ANKFN1: variants seen among roughly 807,000 people sequenced by gnomAD.
ANKFN1 encodes the protein ankyrin repeat and fibronectin type III domain containing 1, also known as ankyrin repeat and fibronectin type-III domain-containing protein 1.
A neutral mutation model predicts 108.7 loss-of-function variants in ANKFN1; 74 were observed. That is an observed-to-expected ratio of 0.68 (90% CI 0.56 to 0.83). The LOEUF is 0.83. Among genes scored for constraint, ANKFN1 ranks in the 40% least tolerant of loss-of-function variants. The probability of loss-of-function intolerance (pLI) is 0.00; values close to 1 mark genes in which losing one functional copy is unlikely to be tolerated. For missense variants in ANKFN1, 1,505 were observed against 1,382.3 expected, an observed-to-expected ratio of 1.09 and a Z score of -1.41; for synonymous variants, 547 against 516.2, an observed-to-expected ratio of 1.06 and a Z score of -0.81.
chr17:56,354,411 CTTCATTCATTCA>C (rs149400397), intron 6 of ANKFN1, among the ~76,000 whole-genome samples: 1 of 151,944 alleles, frequency 6.6e-6, no homozygotes, highest in African/African-American at 2.4e-5. Flanking sequence ...AATGCGGTGG[CTTCATTCATTCA>C]TTCATTCATT....
intron 1 of ANKFN1, among the ~76,000 whole-genome samples, chr17:56,164,969 C>T (rs948014575): frequency 2.6e-5 from 4 of 152,198 alleles, no homozygotes; most frequent in South Asian, 4.1e-4. Flanking sequence ...GGCATCAAAC[C>T]TGGTCCCCAT....
chr17:56,315,911 A>G (rs1370306346), intron 3 of ANKFN1, among the ~76,000 whole-genome samples: 8 of 152,170 alleles, frequency 5.3e-5, no homozygotes, highest in Non-Finnish European at 1.2e-4. Context: ...AAAAAGATGA[A>G]TCAGTCAAGG....
chr17:56,188,563 ATG>A (rs1238184436), intron 1 of ANKFN1, among the ~76,000 whole-genome samples: 73 of 89,820 alleles, frequency 8.1e-4, no homozygotes, highest in African/African-American at 2.4e-3. Flanking sequence ...GTGTGTGTGT[ATG>A]TGTGTGTGTG....
chr17:56,231,967 G>A (rs1406995296), intron 3 of ANKFN1, among the ~76,000 whole-genome samples: 3 of 152,008 alleles, frequency 2.0e-5, no homozygotes, highest in Admixed American at 6.6e-5. Context: ...AGCCTAATCC[G>A]TTTTTTAATA....
intron 3 of ANKFN1, among the ~76,000 whole-genome samples, chr17:56,282,142 A>G (rs141359332): frequency 4.7e-4 from 72 of 152,350 alleles, no homozygotes; most frequent in Non-Finnish European, 9.6e-4. Context: ...ACTCAGTAAT[A>G]TAAAGCAATA....
intron 4 of ANKFN1, among the ~76,000 whole-genome samples, chr17:56,098,446 GCA>G (rs1350225923): frequency 5.3e-5 from 8 of 150,434 alleles, no homozygotes; most frequent in Admixed American, 1.3e-4. Flanking sequence ...ACACGCGCGC[GCA>G]CATACTCTAT....
chr17:56,236,080 T>C (rs535368770), intron 3 of ANKFN1, among the ~76,000 whole-genome samples: 54 of 151,974 alleles, frequency 3.6e-4, no homozygotes, highest in African/African-American at 1.2e-3. Flanking sequence ...TTTTTTGAGA[T>C]GGAGTCTCAC....
At chr17:56,228,233 A>G (rs1052188603) in intron 3 of ANKFN1, 3 of 358,428 alleles carry the variant, frequency 8.4e-6, no homozygotes, top group Admixed American at 9.4e-5. Flanking sequence ...ATTCATTTAT[A>G]TATTATGACC....
At chr17:56,496,227 T>TA (rs2051197236) in intron 19 of ANKFN1, among the ~76,000 whole-genome samples, 4 of 152,234 alleles carry the variant, frequency 2.6e-5, no homozygotes, top group Middle Eastern at 3.4e-3. Context: ...TGAGAAAAAT[T>TA]AAGAAGTAAA....
chr17:56,466,241 AG>A, intron 14 of ANKFN1, 114 bp from the exon 15 acceptor site: 6 of 948,682 alleles, frequency 6.3e-6, no homozygotes, highest in Admixed American at 2.5e-5. Flanking sequence ...AAAAAAAAAA[AG>A]AGAGCAAACA....
intron 8 of ANKFN1, among the ~76,000 whole-genome samples, chr17:56,385,665 T>C (rs1439732648): frequency 2.0e-5 from 3 of 152,134 alleles, no homozygotes; most frequent in Non-Finnish European, 4.4e-5. Context: ...GCGAAGGACA[T>C]GAACAGACAC....
chr17:56,174,957 G>A (rs1911008138), intron 1 of ANKFN1, among the ~76,000 whole-genome samples: 1 of 152,064 alleles, frequency 6.6e-6, no homozygotes, highest in Admixed American at 6.6e-5. Context: ...TTATTAAGTG[G>A]GAGGGAGTTA....
intron 8 of ANKFN1, among the ~76,000 whole-genome samples, chr17:56,401,363 ATTGTATTGTGTTGTGTTGTGTTGTG>A (rs2047758727): frequency 1.0e-5 from 1 of 95,262 alleles, no homozygotes; most frequent in African/African-American, 3.3e-5. Flanking sequence ...ATTGTATTGT[ATTGTATTGTGTTGTGTTGTGTTGTG>A]TTGTGTTGTG....
intron 15 of ANKFN1, among the ~76,000 whole-genome samples, chr17:56,467,534 G>A (rs1463074082): frequency 6.6e-6 from 1 of 151,732 alleles, no homozygotes; most frequent in Admixed American, 6.6e-5. Context: ...ACAAAAATTA[G>A]CCAGTTGTGA....
At chr17:56,285,376 A>G (rs912021749) in intron 3 of ANKFN1, among the ~76,000 whole-genome samples, 3 of 152,176 alleles carry the variant, frequency 2.0e-5, no homozygotes, top group African/African-American at 4.8e-5. Flanking sequence ...TCTTCCCTCT[A>G]GAACTTCCTT....
chr17:56,355,819 C>T lies in ANKFN1; in HGVS notation c.601+1773C>T, dbSNP rs150564557. On this transcript the variant is annotated intron_variant, in intron 6 of 20. Transcript: ENST00000682825. Reference sequence around the variant, plus strand: ...ACAATTCACATACCATAAAATTTACCCTTTTGAAGTATACAATTCAGTGGT... The same window carrying T: ...ACAATTCACATACCATAAAATTTACTCTTTTGAAGTATACAATTCAGTGGT... Among the ~76,000 whole-genome samples the T allele has an allele frequency of 5.5e-3, 841 of 152,002 alleles. 6 individuals are homozygous for T. Among genetic ancestry groups the T allele is most frequent in the African/African-American group, 0.018 (765 of 41,430 alleles).
At chr17:56,458,909 C>T (rs2049806466) in intron 14 of ANKFN1, among the ~76,000 whole-genome samples, 2 of 152,166 alleles carry the variant, frequency 1.3e-5, no homozygotes, top group Non-Finnish European at 2.9e-5. Context: ...CCCCCACCTA[C>T]AATTATAGGA....
At chr17:56,234,953 A>T (rs1410942465) in intron 3 of ANKFN1, among the ~76,000 whole-genome samples, 7 of 152,144 alleles carry the variant, frequency 4.6e-5, no homozygotes, top group African/African-American at 1.7e-4. Context: ...GGTTGAATTA[A>T]TTTACAGTCC....
chr17:56,290,226 A>G (rs1051770268), intron 3 of ANKFN1, among the ~76,000 whole-genome samples: 1 of 152,054 alleles, frequency 6.6e-6, no homozygotes, highest in African/African-American at 2.4e-5. Context: ...CTCTTGTTCT[A>G]CAAAGGATTT....
Sources: allele counts gnomAD v4.1 joint callset (sites outside exome capture counted in the v4.1 genomes callset), GRCh38; gene constraint gnomAD v4.1.1; transcripts MANE v1.5; gene names NCBI Gene and HGNC (gene_info 2026-07-23, HGNC 2026-07-21).